Variants in FAM168A observed in about 807,000 individuals in gnomAD.
FAM168A encodes the protein family with sequence similarity 168 member A, also known as protein FAM168A.
A neutral mutation model predicts 28.5 loss-of-function variants in FAM168A; 3 were observed. The ratio of observed to expected loss-of-function variants is 0.11; its 90% CI spans 0.05 to 0.27. The LOEUF (loss-of-function observed/expected upper bound fraction) is 0.27. Among genes scored for constraint, FAM168A ranks in the 10% least tolerant of loss-of-function variants. The pLI is 1.00. For synonymous variants in FAM168A, 122 were observed against 124.2 expected (o/e 0.98, Z 0.12); for missense variants, 222 against 311.5 (o/e 0.71, Z 2.16).
chr11:73,487,514 A>T (rs1222401934), intron 1 of FAM168A, among the ~76,000 whole-genome samples: 2 of 152,140 alleles, frequency 1.3e-5, no homozygotes, highest in Non-Finnish European at 2.9e-5. Context: ...TGCCTTAAAG[A>T]TTGTGGCTCC....
At chr11:73,441,815 C>T (rs1272096619) in intron 2 of FAM168A, among the ~76,000 whole-genome samples, 1 of 152,146 alleles carries the variant, frequency 6.6e-6, no homozygotes, top group Non-Finnish European at 1.5e-5. Context: ...ACGGTCTTAC[C>T]TCATATTCCT....
chr11:73,562,819 C>G (rs1354479372), intron 1 of FAM168A, among the ~76,000 whole-genome samples: 5 of 150,886 alleles, frequency 3.3e-5, no homozygotes, highest in African/African-American at 1.2e-4. Flanking sequence ...GAGTAAGACT[C>G]TGTCTCAAAA....
intron 1 of FAM168A, among the ~76,000 whole-genome samples, chr11:73,493,178 G>GA (rs922401883): frequency 1.8e-4 from 26 of 143,174 alleles, no homozygotes; most frequent in South Asian, 6.7e-4. Context: ...ATGAAAGTAG[G>GA]AAAAAAAAAA....
chr11:73,557,557 T>G (rs1943905085), intron 1 of FAM168A, among the ~76,000 whole-genome samples: 1 of 152,170 alleles, frequency 6.6e-6, no homozygotes, highest in Non-Finnish European at 1.5e-5. Context: ...TTAAAAATCC[T>G]GTATTCATGA....
intron 1 of FAM168A, among the ~76,000 whole-genome samples, chr11:73,485,644 G>A (rs1315066670): frequency 2.6e-5 from 4 of 152,058 alleles, no homozygotes; most frequent in African/African-American, 7.2e-5. Context: ...TAATCTGTTT[G>A]TTTTTCGTCC....
rs74770934 is a variant in FAM168A, at chr11:73,463,597, C to T, written c.70+4808G>A. On this transcript the variant is annotated intron_variant, in intron 2 of 7. Coordinates refer to ENST00000356467, the MANE Select transcript of FAM168A (RefSeq NM_015159.3). Reference sequence around the variant, plus strand: ...TGAATCATCAGCCTATAGACAGCAGCTGAGGCTAAGGGAGAAACGGAGCCC... The same window carrying T: ...TGAATCATCAGCCTATAGACAGCAGTTGAGGCTAAGGGAGAAACGGAGCCC... Among the ~76,000 whole-genome samples, 301 of 152,200 alleles carry T rather than the reference C, an allele frequency of 2.0e-3. 4 individuals carry two copies. Among genetic ancestry groups the T allele is most frequent in the African/African-American group, 6.6e-3 (275 of 41,522 alleles).
intron 1 of FAM168A, among the ~76,000 whole-genome samples, chr11:73,544,079 C>T (rs142920077): frequency 6.6e-6 from 1 of 152,250 alleles, no homozygotes; most frequent in East Asian, 1.9e-4. Flanking sequence ...CTGCAGTGAG[C>T]TATGATCCCA....
chr11:73,405,456 G>A lies in FAM168A; in HGVS notation c.*1307C>T, dbSNP rs897123489. The A allele has an allele frequency of 4.6e-5, 7 of 152,112 alleles. No individual in the cohort carries two copies. The highest frequency in any genetic ancestry group is 2.6e-4 in the Admixed American group (4 of 15,274). The allele number at this position is 152,112 out of a possible 1,614,324, so 9.4% of individuals were successfully genotyped here. On this transcript the variant is annotated 3_prime_UTR_variant, in exon 8 of 8. Coordinates refer to ENST00000356467, the MANE Select transcript of FAM168A (RefSeq NM_015159.3). ...CCCTAGGTAAATTTTTGTAAGCAAG[G>A]TGCCCACTAGGTAGGAAGGCTGCAT...
At chr11:73,459,513 A>C (rs1867604952) in intron 2 of FAM168A, among the ~76,000 whole-genome samples, 1 of 150,792 alleles carries the variant, frequency 6.6e-6, no homozygotes, top group Admixed American at 6.6e-5. Flanking sequence ...AGGAAAAAGA[A>C]AAAAAAAAGA....
At chr11:73,586,004 T>C (rs1944310002) in intron 1 of FAM168A, among the ~76,000 whole-genome samples, 2 of 151,938 alleles carry the variant, frequency 1.3e-5, no homozygotes, top group South Asian at 4.1e-4. Flanking sequence ...TCAGAGTGGG[T>C]GAGTTATATC....
chr11:73,549,354 C>T (rs1202664925), intron 1 of FAM168A, among the ~76,000 whole-genome samples: 1 of 152,116 alleles, frequency 6.6e-6, no homozygotes, highest in Non-Finnish European at 1.5e-5. Context: ...TAGCCATTAA[C>T]CATTCATAGC....
chr11:73,457,503 T>A (rs1202375078), intron 2 of FAM168A, among the ~76,000 whole-genome samples: 1 of 151,404 alleles, frequency 6.6e-6, no homozygotes, highest in Non-Finnish European at 1.5e-5. Context: ...TTTCTGTTGA[T>A]GAAAAAGTTC....
chr11:73,524,240 T>C (rs1342926253), intron 1 of FAM168A, among the ~76,000 whole-genome samples: 1 of 152,108 alleles, frequency 6.6e-6, no homozygotes, highest in African/African-American at 2.4e-5. Context: ...TTTTATGGTG[T>C]TGTGTTTCTT....
At chr11:73,517,248 T>G (rs900298729) in intron 1 of FAM168A, among the ~76,000 whole-genome samples, 11 of 152,168 alleles carry the variant, frequency 7.2e-5, no homozygotes, top group African/African-American at 2.7e-4. Flanking sequence ...CATTGTCATG[T>G]TGTTCACACT....
intron 1 of FAM168A, among the ~76,000 whole-genome samples, chr11:73,557,874 C>A (rs1293161277): frequency 6.6e-6 from 1 of 152,126 alleles, no homozygotes; most frequent in Non-Finnish European, 1.5e-5. Flanking sequence ...ACATCTCTGG[C>A]CAATTAATTT....
chr11:73,440,548 T>C (rs1249168504), intron 2 of FAM168A, among the ~76,000 whole-genome samples: 1 of 152,074 alleles, frequency 6.6e-6, no homozygotes, highest in African/African-American at 2.4e-5. Context: ...GAGGATCACT[T>C]GAGCCCAGGA....
chr11:73,438,106 ATCATCATCATCG>A (rs1379258235), intron 2 of FAM168A, among the ~76,000 whole-genome samples: 1 of 152,182 alleles, frequency 6.6e-6, no homozygotes, highest in African/African-American at 2.4e-5. Context: ...TTTCATCATC[ATCATCATCATCG>A]TCATCATCAT....
chr11:73,527,218 G>A (rs966934715), intron 1 of FAM168A, among the ~76,000 whole-genome samples: 1 of 152,078 alleles, frequency 6.6e-6, no homozygotes, highest in African/African-American at 2.4e-5. Flanking sequence ...CTAAAAGTTT[G>A]GAAGGAAACT....
intron 6 of FAM168A, among the ~76,000 whole-genome samples, chr11:73,408,799 C>A (rs972312848): frequency 9.7e-5 from 14 of 144,242 alleles, no homozygotes; most frequent in South Asian, 2.2e-4. Context: ...AAAAAAAAAA[C>A]CTAACAGTCC....
Sources: gnomAD v4.1 joint callset for allele counts (sites outside exome capture counted in the v4.1 genomes callset) on GRCh38, gnomAD v4.1.1 for gene constraint, MANE v1.5 for transcripts, NCBI Gene and HGNC (gene_info 2026-07-23, HGNC 2026-07-21) for gene names.